The following PDIA4 variants were observed in gnomAD, a reference collection of about 807,000 sequenced individuals.
PDIA4 encodes protein disulfide isomerase family A member 4.
A neutral mutation model predicts 62.1 loss-of-function variants in PDIA4; 33 were observed. The observed-to-expected ratio is 0.53, with a 90% CI of 0.40 to 0.71. The LOEUF is 0.71. PDIA4 is among the 30% of genes least tolerant of loss of function. The pLI is 0.00. For missense variants in PDIA4, 804 were observed against 813.6 expected (o/e 0.99, Z 0.14); for synonymous variants, 341 against 324.1 (o/e 1.05, Z -0.56).
At chr7:149,008,026 G>C (rs530941377) in intron 7 of PDIA4, 133 bp downstream of exon 7, 2 of 817,448 alleles carry the variant, frequency 2.4e-6, no homozygotes, top group Non-Finnish European at 1.9e-6. Flanking sequence ...TGGGGAGAAC[G>C]GGCTGGAAAA....
intron 3 of PDIA4, among the ~76,000 whole-genome samples, chr7:149,016,361 C>T (rs1050888746): frequency 6.6e-6 from 1 of 152,076 alleles, no homozygotes; most frequent in Non-Finnish European, 1.5e-5. Flanking sequence ...ATGGATATGG[C>T]TAAGACATAT....
rs1184919917 is a variant in PDIA4 at position 149,018,954 on chromosome 7, AAGG to A, written c.475+35_475+37del. 6 of 1,483,092 alleles carry A rather than the reference AAGG, an allele frequency of 4.0e-6. No individual in the cohort carries two copies. In the African/African-American group the frequency reaches 6.9e-5, roughly 17 times the overall value. 91.9% of individuals were successfully genotyped at this position (1,483,092 alleles called of 1,614,324 possible). A position where few individuals can be genotyped will look rare whatever the true frequency, so the allele number is the denominator to read the frequency against. ...TAGCCAAATTCCCATTCCCTGCGGG[AAGG>A]AGTTCTTCCTCTACGAGCTCAGGTA... On this transcript the variant is annotated intron_variant, in intron 3 of 9. Transcript: ENST00000652332.
intron 4 of PDIA4, among the ~76,000 whole-genome samples, chr7:149,013,663 C>T (rs1463301527): frequency 1.3e-5 from 2 of 152,048 alleles, no homozygotes; most frequent in Non-Finnish European, 2.9e-5. Context: ...CAAAGCAAGG[C>T]CTTATCTCAA....
intron 3 of PDIA4, among the ~76,000 whole-genome samples, chr7:149,017,103 C>G (rs4727009): frequency 0.85 from 129,590 of 151,750 alleles, 57,926 homozygotes; most frequent in Non-Finnish European, 0.98. Flanking sequence ...AAGGGCAAGG[C>G]GCTCGTCCAG....
chr7:149,008,902 G>A (rs1382993948), intron 6 of PDIA4, among the ~76,000 whole-genome samples: 1 of 152,118 alleles, frequency 6.6e-6, no homozygotes, highest in Non-Finnish European at 1.5e-5. Flanking sequence ...TGAGGCAGGA[G>A]GACTGCTTAA....
Position 149,005,287 on chromosome 7 carries a change from G to A in PDIA4, c.1376C>T (p.Ala459Val), listed in dbSNP as rs1196702524. 1 of 1,613,922 alleles carries A rather than the reference G, an allele frequency of 6.2e-7. No individual in the cohort carries two copies. The highest frequency in any genetic ancestry group is 2.2e-5 in the East Asian group (1 of 44,892). The change falls in exon 9 of 10, where the codon GCT becomes GTT. Residue 459 changes from alanine (A) to valine (V), a missense_variant. Physicochemically the swap from Ala to Val is moderately conservative, Grantham distance 64. Coordinates refer to ENST00000652332, the MANE Select transcript of PDIA4 (RefSeq NM_004911.5). ...TFAIADEEDYAGEVKDLGLSE... is the reference protein window; with the variant it reads ...TFAIADEEDYVGEVKDLGLSE... ...GAGCCCCAGGTCCTTCACCTCCCCA[G>A]CATAGTCCTCTTCGTCCGCAATGGC...
rs537938751 is a variant in PDIA4 at position 149,020,956 on chromosome 7, G to A, written c.269+11C>T. 7 of 1,612,888 alleles carry A rather than the reference G, an allele frequency of 4.3e-6. No individual in the cohort carries two copies. Among genetic ancestry groups the A allele is most frequent in the Middle Eastern group, 1.6e-4 (1 of 6,078 alleles). ...CTTGTCCACCTGCAGAAATTAGAAC[G>A]CGGTCCTTACCATGGAGCATAAAAC... On this transcript the variant is annotated intron_variant, in intron 2 of 9. Transcript: ENST00000652332.
At chr7:149,008,762 T>C (rs192113183) in intron 6 of PDIA4, among the ~76,000 whole-genome samples, 1 of 151,560 alleles carries the variant, frequency 6.6e-6, no homozygotes, top group East Asian at 1.9e-4. Flanking sequence ...CACCAAAAAT[T>C]GTGTGGACAA....
At chr7:149,010,009 G>C (rs146220462) in intron 6 of PDIA4, among the ~76,000 whole-genome samples, 1 of 152,332 alleles carries the variant, frequency 6.6e-6, no homozygotes, top group East Asian at 1.9e-4. Flanking sequence ...ATGTGGCTGA[G>C]ATGGTAAACC....
chr7:149,007,889 C>T lies in PDIA4; in HGVS notation c.1131+270G>A, dbSNP rs73474077. Among the ~76,000 whole-genome samples, 640 of 152,378 alleles carry T rather than the reference C, an allele frequency of 4.2e-3. 6 individuals carry two copies. The highest frequency in any genetic ancestry group is 0.014 in the African/African-American group (603 of 41,594). On this transcript the variant is annotated intron_variant, in intron 7 of 9. Coordinates refer to ENST00000652332, the MANE Select transcript of PDIA4 (RefSeq NM_004911.5). The stretch of plus-strand genomic sequence containing the variant: ...GCCTGCCAGGAGGGACAAAGGGTGG[C>T]AGCAACTGTTCTGGCAAAACCAAGT...
At position 149,003,618 on chromosome 7, in the gene PDIA4, C is replaced by T. The variant is rs1401194237; in HGVS notation, c.*176G>A. 1 of 437,088 alleles carries T rather than the reference C, an allele frequency of 2.3e-6. No individual in the cohort carries two copies. Among genetic ancestry groups the T allele is most frequent in the African/African-American group, 2.0e-5 (1 of 49,026 alleles). 27.1% of individuals were successfully genotyped at this position (437,088 alleles called of 1,614,324 possible). A position where few individuals can be genotyped will look rare whatever the true frequency, so the allele number is the denominator to read the frequency against. ...AAAAATCTGGACTAAACTATTCAGT[C>T]ATTCATGGTTATTCAGTATTCAGAG... On this transcript the variant is annotated 3_prime_UTR_variant, in exon 10 of 10. Coordinates refer to ENST00000652332, the MANE Select transcript of PDIA4 (RefSeq NM_004911.5).
At chr7:149,010,756 T>G (rs1183652090) in intron 6 of PDIA4, among the ~76,000 whole-genome samples, 2 of 152,216 alleles carry the variant, frequency 1.3e-5, no homozygotes, top group African/African-American at 2.4e-5. Context: ...TTGCCCCATC[T>G]GCAGCCCTAA....
chr7:149,016,979 T>C (rs1824159553), intron 3 of PDIA4, among the ~76,000 whole-genome samples: 3 of 152,190 alleles, frequency 2.0e-5, no homozygotes, highest in Admixed American at 2.0e-4. Context: ...TACGCCACAG[T>C]GAGTGCCATT....
intron 4 of PDIA4, among the ~76,000 whole-genome samples, chr7:149,012,737 AGAG>A (rs991406395): frequency 6.6e-6 from 1 of 152,180 alleles, no homozygotes; most frequent in Non-Finnish European, 1.5e-5. Flanking sequence ...AGATGGCTTC[AGAG>A]GAGGAGTAGC....
At chr7:149,003,053 A>G (rs1431805511), downstream of PDIA4, 3 of 169,158 alleles carry the variant, frequency 1.8e-5, no homozygotes, top group African/African-American at 7.2e-5. Flanking sequence ...ATGTTTTCTA[A>G]CGCAGTTCTT....
At chr7:149,024,224 G>A (rs1361713897) in intron 1 of PDIA4, among the ~76,000 whole-genome samples, 2 of 152,162 alleles carry the variant, frequency 1.3e-5, no homozygotes, top group Non-Finnish European at 1.5e-5. Flanking sequence ...CCCAGCCTGC[G>A]TGACAAAGCG....
At chr7:149,027,775 A>T (rs1279680023) in intron 1 of PDIA4, 1 of 448,696 alleles carries the variant, frequency 2.2e-6, no homozygotes, top group African/African-American at 2.0e-5. Context: ...TGGTATCTCT[A>T]GTTTCTCAAA....
At position 149,019,138 on chromosome 7, in the gene PDIA4, T is replaced by A. The variant is rs1405370427; in HGVS notation, c.329A>T (p.Asp110Val). The A allele has an allele frequency of 1.2e-6, 2 of 1,613,960 alleles. No homozygotes were observed. The highest frequency in any genetic ancestry group is 1.7e-6 in the Non-Finnish European group (2 of 1,179,950). The change falls in exon 3 of 10, where the codon GAT (aspartate) becomes GTT (valine). Residue 110 changes from aspartate to valine, a missense_variant. Physicochemically the swap from Asp to Val is radical, Grantham distance 152. Transcript: ENST00000652332. Reference protein sequence around the residue: ...EYEKIANILKDKDPPIPVAKI... With the variant: ...EYEKIANILKVKDPPIPVAKI... The stretch of plus-strand genomic sequence containing the variant: ...GGCAACAGGAATGGGAGGATCTTTA[T>A]CCTTTAATATGTTGGCAATTTTTTC...
chr7:149,026,357 A>G (rs2129506015), intron 1 of PDIA4, among the ~76,000 whole-genome samples: 1 of 152,214 alleles, frequency 6.6e-6, no homozygotes, highest in East Asian at 1.9e-4. Context: ...AAAAAAAGAA[A>G]AAAAATAGCC....
Sources: gnomAD v4.1 joint callset for allele counts (sites outside exome capture counted in the v4.1 genomes callset) on GRCh38, gnomAD v4.1.1 for gene constraint, MANE v1.5 for transcripts, NCBI Gene and HGNC (gene_info 2026-07-23, HGNC 2026-07-21) for gene names.